The following DSCAM variants were observed in gnomAD, a reference collection of about 807,000 sequenced individuals.
DSCAM encodes cell adhesion molecule DSCAM.
In DSCAM, 47 loss-of-function variants were observed where a neutral mutation model predicts 217.7. The ratio of observed to expected loss-of-function variants is 0.22; its 90% confidence interval spans 0.17 to 0.28. DSCAM has a LOEUF of 0.28. Among genes scored for constraint, DSCAM ranks in the 10% least tolerant of loss-of-function variants. DSCAM has a pLI of 1.00. For synonymous variants in DSCAM, 1,056 were observed against 1,015.3 expected (o/e 1.04, Z -0.76); for missense variants, 2,080 against 2,618.3 (o/e 0.79, Z 4.49).
intron 3 of DSCAM, among the ~76,000 whole-genome samples, chr21:40,400,807 A>T (rs1383761613): frequency 6.6e-6 from 1 of 152,202 alleles, no homozygotes; most frequent in Non-Finnish European, 1.5e-5. Flanking sequence ...CTTTAAATGG[A>T]TCTATTACTA....
At chr21:40,643,697 T>C (rs2089910076) in intron 3 of DSCAM, among the ~76,000 whole-genome samples, 1 of 152,168 alleles carries the variant, frequency 6.6e-6, no homozygotes, top group Non-Finnish European at 1.5e-5. Context: ...AATGAGGCTG[T>C]TAAAGTGAGC....
intron 1 of DSCAM, among the ~76,000 whole-genome samples, chr21:40,774,819 T>C (rs900262027): frequency 6.6e-6 from 1 of 151,696 alleles, no homozygotes. Context: ...ATGGAACAGA[T>C]TCAACAAAGA....
intron 3 of DSCAM, among the ~76,000 whole-genome samples, chr21:40,606,876 A>G (rs1167692347): frequency 2.6e-5 from 4 of 152,174 alleles, no homozygotes; most frequent in African/African-American, 9.7e-5. Context: ...TCTTGTGACA[A>G]TGAATAAGTC....
chr21:40,813,772 G>T (rs376395896), intron 1 of DSCAM, among the ~76,000 whole-genome samples: 18 of 150,712 alleles, frequency 1.2e-4, no homozygotes, highest in African/African-American at 4.4e-4. Context: ...TCAGCCTCCC[G>T]AGTAGCTGGG....
chr21:40,794,065 C>T (rs1475762254), intron 1 of DSCAM, among the ~76,000 whole-genome samples: 1 of 152,106 alleles, frequency 6.6e-6, no homozygotes, highest in Non-Finnish European at 1.5e-5. Context: ...GGCCAACCTT[C>T]CTTGGCACTG....
chr21:40,597,192 G>T (rs2077027576), intron 3 of DSCAM, among the ~76,000 whole-genome samples: 1 of 152,096 alleles, frequency 6.6e-6, no homozygotes, highest in East Asian at 1.9e-4. Context: ...TCTAAGCCAG[G>T]TTGGCTATTA....
At chr21:40,805,797 C>T (rs778202070) in intron 1 of DSCAM, among the ~76,000 whole-genome samples, 3 of 152,188 alleles carry the variant, frequency 2.0e-5, no homozygotes, top group South Asian at 4.2e-4. Flanking sequence ...CAAGCTCCAC[C>T]TCCCGGGTTC....
At chr21:40,379,841 A>G (rs62223806) in intron 3 of DSCAM, among the ~76,000 whole-genome samples, 5,064 of 152,312 alleles carry the variant, frequency 0.033, 122 homozygotes, top group African/African-American at 0.06. Context: ...AGCTCTCACC[A>G]TATCATTTTA....
intron 15 of DSCAM, among the ~76,000 whole-genome samples, chr21:40,174,401 G>A (rs1162497717): frequency 6.6e-6 from 1 of 152,164 alleles, no homozygotes; most frequent in African/African-American, 2.4e-5. Flanking sequence ...TCCTCACTAA[G>A]CTTTGCAGTA....
intron 11 of DSCAM, among the ~76,000 whole-genome samples, chr21:40,227,530 T>C (rs992665220): frequency 1.3e-5 from 2 of 152,228 alleles, no homozygotes; most frequent in Non-Finnish European, 2.9e-5. Flanking sequence ...CTTCCCATGA[T>C]ATTTCTCAGA....
intron 3 of DSCAM, among the ~76,000 whole-genome samples, chr21:40,598,497 G>GTT (rs71186947): frequency 0.074 from 4,946 of 66,934 alleles, 764 homozygotes; most frequent in Middle Eastern, 0.13. Flanking sequence ...CTGCCAAACT[G>GTT]TTTTTTTTTT....
At chr21:40,547,613 A>G (rs1047095495) in intron 3 of DSCAM, among the ~76,000 whole-genome samples, 1 of 152,186 alleles carries the variant, frequency 6.6e-6, no homozygotes, top group African/African-American at 2.4e-5. Context: ...GGAGGAAGGC[A>G]TGCCCTCCTG....
chr21:40,395,325 C>T (rs1204918290), intron 3 of DSCAM, among the ~76,000 whole-genome samples: 2 of 151,014 alleles, frequency 1.3e-5, no homozygotes, highest in Non-Finnish European at 3.0e-5. Flanking sequence ...TCTATTTTTA[C>T]TTTCCTTCTG....
chr21:40,201,936 G>A (rs1198347285), intron 11 of DSCAM, among the ~76,000 whole-genome samples: 4 of 152,156 alleles, frequency 2.6e-5, no homozygotes, highest in Non-Finnish European at 4.4e-5. Context: ...AGTTTTTAAG[G>A]TGACCTGTGG....
At chr21:40,251,556 C>G (rs7278060) in intron 11 of DSCAM, among the ~76,000 whole-genome samples, 2,829 of 152,206 alleles carry the variant, frequency 0.019, 95 homozygotes, top group African/African-American at 0.063. Context: ...GAAGTGGGAA[C>G]TAGGCATATA....
intron 4 of DSCAM, among the ~76,000 whole-genome samples, chr21:40,366,635 A>G (rs1423820840): frequency 6.6e-6 from 1 of 152,244 alleles, no homozygotes; most frequent in East Asian, 1.9e-4. Flanking sequence ...TTTTCTTGTG[A>G]TAAAGTTGTG....
At chr21:40,103,861 A>G (rs1409062616) in intron 20 of DSCAM, among the ~76,000 whole-genome samples, 1 of 151,006 alleles carries the variant, frequency 6.6e-6, no homozygotes, top group African/African-American at 2.4e-5. Context: ...TGTAGACTAT[A>G]TATATAATTA....
At chr21:40,619,381 C>T (rs1489250163) in intron 3 of DSCAM, among the ~76,000 whole-genome samples, 1 of 152,128 alleles carries the variant, frequency 6.6e-6, no homozygotes, top group African/African-American at 2.4e-5. Flanking sequence ...TACTAAGGAA[C>T]ATTCCTCCAG....
intron 32 of DSCAM, among the ~76,000 whole-genome samples, chr21:40,039,231 T>A (rs1280389135): frequency 1.3e-5 from 2 of 151,686 alleles, no homozygotes; most frequent in Non-Finnish European, 2.9e-5. Flanking sequence ...AGGGGAAACG[T>A]GTCAGAAAAA....
Sources: gnomAD v4.1 joint callset for allele counts (sites outside exome capture counted in the v4.1 genomes callset) on GRCh38, gnomAD v4.1.1 for gene constraint, MANE v1.5 for transcripts, NCBI Gene and HGNC (gene_info 2026-07-23, HGNC 2026-07-21) for gene names.